Variants in IHO1 observed in about 807,000 individuals in gnomAD.
The protein encoded by IHO1 is interactor of HORMAD1 1, also known as interactor of HORMAD1 protein 1.
In IHO1, 13 loss-of-function variants were observed where a neutral mutation model predicts 31.0. That is an observed-to-expected ratio of 0.42 (90% confidence interval 0.27 to 0.67). The LOEUF (loss-of-function observed/expected upper bound fraction) is 0.67. Among genes scored for constraint, IHO1 ranks in the 30% least tolerant of loss-of-function variants. IHO1 has a pLI of 0.24. For missense variants in IHO1, 599 were observed against 687.5 expected (o/e 0.87, Z 1.44); for synonymous variants, 221 against 248.4 (o/e 0.89, Z 1.04).
intron 6 of IHO1, among the ~76,000 whole-genome samples, chr3:49,250,006 A>T (rs914379399): frequency 2.6e-5 from 4 of 152,268 alleles, no homozygotes; most frequent in Admixed American, 6.5e-5. Flanking sequence ...AGGAAAACAG[A>T]TATTGTCCAG....
Position 49,241,199 on chromosome 3 carries a change from A to G in IHO1, c.232-27A>G, listed in dbSNP as rs917872220. ...TGCTATAAATATTTTTATGTGTGAA[A>G]TGCTATATATTTTTTTCATTTAACA... On this transcript the variant is annotated intron_variant, in intron 3 of 7. Transcript: ENST00000452691. The G allele has an allele frequency of 3.2e-6, 5 of 1,556,408 alleles. No individual in the cohort carries two copies. In the African/African-American group the frequency reaches 6.9e-5, roughly 21 times the overall value.
chr3:49,241,183 T>G (rs752856736), intron 3 of IHO1, 43 bp from the exon 4 acceptor site: 38 of 1,501,514 alleles, frequency 2.5e-5, no homozygotes, highest in Non-Finnish European at 3.3e-5. Context: ...ATGCTATAAA[T>G]ATTTTTATGT....
chr3:49,250,220 C>A (rs1440085485), intron 6 of IHO1, among the ~76,000 whole-genome samples: 2 of 151,966 alleles, frequency 1.3e-5, no homozygotes, highest in East Asian at 3.9e-4. Context: ...GGAAGAGAGA[C>A]CAAGGTTTGC....
intron 4 of IHO1, 27 bp downstream of exon 4, chr3:49,241,416 A>G: frequency 6.4e-7 from 1 of 1,569,902 alleles, no homozygotes; most frequent in South Asian, 1.2e-5. Flanking sequence ...AATGGATGAA[A>G]GAACTCACCT....
At chr3:49,204,399 C>T (rs780612862) in intron 1 of IHO1, among the ~76,000 whole-genome samples, 1 of 152,026 alleles carries the variant, frequency 6.6e-6, no homozygotes, top group Non-Finnish European at 1.5e-5. Flanking sequence ...TTGTTGGGGT[C>T]GGGCTGTGTC....
At chr3:49,204,225 G>T (rs969505866) in intron 1 of IHO1, among the ~76,000 whole-genome samples, 1 of 152,100 alleles carries the variant, frequency 6.6e-6, no homozygotes, top group South Asian at 2.1e-4. Context: ...TATCACAATG[G>T]TAATTAAATT....
At chr3:49,235,443 T>G (rs542306823) in intron 2 of IHO1, among the ~76,000 whole-genome samples, 10 of 150,690 alleles carry the variant, frequency 6.6e-5, no homozygotes, top group Non-Finnish European at 1.5e-4. Flanking sequence ...TTAGCCAGGA[T>G]GGTCTCGATC....
upstream of IHO1, among the ~76,000 whole-genome samples, chr3:49,196,947 G>A: frequency 6.7e-6 from 1 of 149,084 alleles, no homozygotes; most frequent in Non-Finnish European, 1.5e-5. Flanking sequence ...TGGGATTACA[G>A]GAGTGAGCCA....
chr3:49,200,546 A>G, intron 1 of IHO1: 1 of 983,494 alleles, frequency 1.0e-6, no homozygotes, highest in Non-Finnish European at 1.2e-6. Flanking sequence ...AGTAGAGTTG[A>G]CGACGGTGGT....
intron 1 of IHO1, among the ~76,000 whole-genome samples, chr3:49,207,499 C>T (rs1433672161): frequency 3.9e-5 from 6 of 152,072 alleles, no homozygotes; most frequent in Non-Finnish European, 8.8e-5. Context: ...CCACCTCGGC[C>T]TCCCAAAGTG....
At chr3:49,223,652 C>G (rs1312984341) in intron 2 of IHO1, among the ~76,000 whole-genome samples, 1 of 151,802 alleles carries the variant, frequency 6.6e-6, no homozygotes, top group African/African-American at 2.4e-5. Flanking sequence ...GATCACGCCA[C>G]TGCACTCCAG....
intron 1 of IHO1, chr3:49,200,581 G>C (rs777224299): frequency 1.0e-6 from 1 of 984,702 alleles, no homozygotes; most frequent in Non-Finnish European, 1.2e-6. Context: ...CATGCCAATC[G>C]GGGCGGTCCT....
At chr3:49,237,714 AC>A (rs950439363) in intron 3 of IHO1, among the ~76,000 whole-genome samples, 3 of 150,898 alleles carry the variant, frequency 2.0e-5, no homozygotes, top group African/African-American at 7.4e-5. Flanking sequence ...TTTTAGACAG[AC>A]TTTTTTAAAT....
At chr3:49,210,489 C>G (rs1007807757) in intron 1 of IHO1, among the ~76,000 whole-genome samples, 1 of 151,468 alleles carries the variant, frequency 6.6e-6, no homozygotes, top group African/African-American at 2.4e-5. Flanking sequence ...CCTCTGCCTC[C>G]CCGGTTCCAG....
rs1242258171 is a variant in IHO1 at position 49,256,938 on chromosome 3, G to C, written c.1441G>C (p.Ala481Pro). ...FNSKYQSPQPAISVPQSPFLG... is the reference protein window; with the variant it reads ...FNSKYQSPQPPISVPQSPFLG... ...TTCCAAATATCAGAGTCCTCAGCCT[G>C]CAATTTCTGTCCCTCAAAGCCCCTT... Residue 481 changes from alanine (A) to proline (P), a missense_variant, in exon 8 of 8, where the codon GCA becomes CCA. Coordinates refer to ENST00000452691, the MANE Select transcript of IHO1 (RefSeq NM_001135197.2). This position sits in a 1 kb window ranked among gnomAD's most constrained non-coding sequence, Gnocchi z 4.6. The C allele has an allele frequency of 6.2e-7, 1 of 1,614,182 alleles. No homozygotes were observed. The highest frequency in any genetic ancestry group is 8.5e-7 in the Non-Finnish European group (1 of 1,180,028).
chr3:49,208,468 G>A (rs1295897231), intron 1 of IHO1, among the ~76,000 whole-genome samples: 1 of 152,152 alleles, frequency 6.6e-6, no homozygotes, highest in African/African-American at 2.4e-5. Flanking sequence ...GATGATCTGA[G>A]GTGGAACAAT....
intron 2 of IHO1, among the ~76,000 whole-genome samples, chr3:49,234,166 T>G (rs961780981): frequency 1.5e-3 from 225 of 145,172 alleles, no homozygotes; most frequent in African/African-American, 5.4e-3. Flanking sequence ...GTTGTTGTTT[T>G]TTTTTTTTTT....
At chr3:49,251,047 G>A (rs1466401076) in intron 6 of IHO1, among the ~76,000 whole-genome samples, 4 of 151,798 alleles carry the variant, frequency 2.6e-5, no homozygotes, top group African/African-American at 9.7e-5. Context: ...AACTATGCTA[G>A]ATTAAATTGT....
intron 4 of IHO1, among the ~76,000 whole-genome samples, chr3:49,244,003 G>A (rs933956053): frequency 3.3e-5 from 5 of 150,054 alleles, no homozygotes; most frequent in African/African-American, 1.2e-4. Flanking sequence ...CTCCCAGGCT[G>A]GAGTGCAGTG....
Sources: gnomAD v4.1 joint callset for allele counts (sites outside exome capture counted in the v4.1 genomes callset) on GRCh38, gnomAD v4.1.1 for gene constraint, Gnocchi (gnomAD v3.1) non-coding constraint, MANE v1.5 for transcripts, NCBI Gene and HGNC (gene_info 2026-07-23, HGNC 2026-07-21) for gene names.